Variants in DST observed in about 807,000 individuals in gnomAD.
DST encodes dystonin.
DST carries 253 observed loss-of-function variants against 875.2 expected under a neutral mutation model. The observed-to-expected ratio is 0.29, with a 90% confidence interval of 0.26 to 0.32. DST has a LOEUF of 0.32. Ranked by LOEUF, DST falls within the 10% of genes least tolerant of loss-of-function variation. DST has a pLI of 1.00. For synonymous variants in DST, 3,124 were observed against 3,197.1 expected (o/e 0.98, Z 0.77); for missense variants, 8,287 against 9,111.6 (o/e 0.91, Z 3.68).
In DST at chr6:56,603,273, A is replaced by G; in HGVS notation, c.11089T>C (p.Phe3697Leu). 1 of 1,609,998 alleles carries G rather than the reference A, an allele frequency of 6.2e-7. No individual in the cohort carries two copies. The highest frequency in any genetic ancestry group is 8.5e-7 in the Non-Finnish European group (1 of 1,178,418). Residue 3697 changes from phenylalanine (F) to leucine (L), a missense_variant, in exon 42 of 104, where the codon TTC becomes CTC. By Grantham distance (22) the Phe-to-Leu change is conservative. This residue lies in a region of DST where 3,138 missense variants were observed against 3,116.6 expected (regional missense o/e 1.01). Transcript: ENST00000680361. ...GAAGACACGTTGCTGAGGGAAGAGAAGGCGGTCTTCAAACTCTGGTGGCTA... is the reference window on the plus strand; with the variant it reads ...GAAGACACGTTGCTGAGGGAAGAGAGGGCGGTCTTCAAACTCTGGTGGCTA... ...SISHQSLKTA[F>L]SSLSNVSSER...
At chr6:56,928,256 C>A (rs1386007776) in intron 2 of DST, among the ~76,000 whole-genome samples, 1 of 152,158 alleles carries the variant, frequency 6.6e-6, no homozygotes, top group Non-Finnish European at 1.5e-5. Flanking sequence ...CTCCCCACTT[C>A]CCCTTTCCAA....
chr6:56,508,591 G>A lies in DST; in HGVS notation c.19177C>T (p.Arg6393Trp), dbSNP rs767994407. ...TCAATTCCAGGATCTTCCAGGTCCC[G>A]GATGAAATCTTGAGTATCTTTAATG... is the stretch of plus-strand genomic sequence containing the variant. Reference protein sequence around the residue: ...VTIKDTQDFIRDLEDPGIDPS... With the variant: ...VTIKDTQDFIWDLEDPGIDPS... Residue 6393 changes from arginine (R) to tryptophan (W), a missense_variant, in exon 75 of 104, where the codon CGG becomes TGG. By Grantham distance (101) the Arg-to-Trp change is moderately radical (BLOSUM62 -3). This residue lies in a region of DST where 1,292 missense variants were observed against 1,552.7 expected (regional missense o/e 0.83). Coordinates refer to ENST00000680361, the MANE Select transcript of DST (RefSeq NM_001374736.1). 1.5e-5 allele frequency: 24 copies of A among 1,613,784 alleles called. No homozygotes were observed. Among genetic ancestry groups the A allele is most frequent in the South Asian group, 6.6e-5 (6 of 91,078 alleles).
intron 2 of DST, among the ~76,000 whole-genome samples, chr6:56,952,663 C>T (rs923666461): frequency 7.2e-5 from 11 of 152,026 alleles, no homozygotes; most frequent in African/African-American, 2.7e-4. Context: ...TTTTTCTTTA[C>T]ACAATTTCTT....
Position 56,527,675 on chromosome 6 carries a change from T to C in DST, c.17740A>G (p.Ile5914Val), listed in dbSNP as rs1160682668. The C allele has an allele frequency of 2.5e-6, 4 of 1,613,700 alleles. No individual in the cohort carries two copies. The highest frequency in any genetic ancestry group is 3.3e-5 in the Admixed American group (2 of 59,908). Residue 5914 changes from isoleucine (I) to valine (V), a missense_variant, in exon 68 of 104, where the codon ATT (isoleucine) becomes GTT (valine). Physicochemically the swap from Ile to Val is conservative, Grantham distance 29 (BLOSUM62 3). Coordinates refer to ENST00000680361, the MANE Select transcript of DST (RefSeq NM_001374736.1). ...LEAIKARYKD[I>V]TKLSTDVAKT... ...GCCACATCAGTGCTCAGTTTAGTAA[T>C]GTCTTTGTACCTTGCTTTAATGGCT...
chr6:56,954,535 G>A lies in DST; in HGVS notation c.53C>T (p.Ala18Val). ...VLLRPYSIQC[A>V]LFLLLLLLGT... ...CAGCAGAAGCAACAAGAGGAAGAGG[G>A]CACATTGGATGCTGTAGGGTCTCAG... Residue 18 changes from alanine (A) to valine (V), a missense_variant, in exon 1 of 104, where the codon GCC becomes GTC. By Grantham distance (64) the Ala-to-Val change is moderately conservative. Around this residue, in one of 10 missense-constraint regions of DST, gnomAD observed 1,160 missense variants for 1,424.3 expected, o/e 0.81. Coordinates refer to ENST00000680361, the MANE Select transcript of DST (RefSeq NM_001374736.1). The A allele has an allele frequency of 7.3e-7, 1 of 1,367,390 alleles. No individual in the cohort carries two copies. Among genetic ancestry groups the A allele is most frequent in the Non-Finnish European group, 9.8e-7 (1 of 1,021,796 alleles). 84.7% of individuals were successfully genotyped at this position (1,367,390 alleles called of 1,614,324 possible). A position where few individuals can be genotyped will look rare whatever the true frequency, so the allele number is the denominator to read the frequency against.
chr6:56,589,137 C>T (rs75192962), intron 49 of DST, among the ~76,000 whole-genome samples: 4,866 of 152,260 alleles, frequency 0.032, 243 homozygotes, highest in African/African-American at 0.11. Flanking sequence ...AGCATACAAA[C>T]ATTTACTGAA....
At chr6:56,541,609 CACAGATAAG>C (rs1471489896) in intron 61 of DST, 30 of 152,308 alleles carry the variant, frequency 2.0e-4, no homozygotes, top group African/African-American at 6.5e-4. Context: ...CAGCTCTTGA[CACAGATAAG>C]AAATAAGATA....
chr6:56,618,431 T>A, intron 36 of DST: 1 of 1,614,224 alleles, frequency 6.2e-7, no homozygotes, highest in Non-Finnish European at 8.5e-7. Flanking sequence ...GCTCTTTTTT[T>A]GAATTTCACA....
chr6:56,605,636 T>C lies in DST; in HGVS notation c.8992A>G (p.Ile2998Val), dbSNP rs1345452325. ...PKVDSSLDHI[I>V]CTEPDLIGKP... ...CCTATTAAATCAGGCTCAGTACAAA[T>C]GATGTGATCAAGAGATGAGTCAACT... Residue 2998 changes from isoleucine to valine, a missense_variant, in exon 40 of 104, where the codon ATT becomes GTT. Ile to Val is a conservative substitution (Grantham distance 29). Transcript: ENST00000680361. 8 of 1,612,904 alleles carry C rather than the reference T, an allele frequency of 5.0e-6. No individual in the cohort carries two copies. Among genetic ancestry groups the C allele is most frequent in the Non-Finnish European group, 6.8e-6 (8 of 1,179,330 alleles).
chr6:56,772,501 C>G (rs1366185194), intron 4 of DST, among the ~76,000 whole-genome samples: 2 of 152,168 alleles, frequency 1.3e-5, no homozygotes, highest in Non-Finnish European at 2.9e-5. Context: ...CCGATCAAGT[C>G]ATTATCTTTC....
rs768508685 is a variant in DST, at chr6:56,560,313, T to C, written c.14421A>G (p.Lys4807=). The part of the protein sequence containing the change: ...NPDTPEAPRW[K]QMLTEIDSKW... ...ACATACCTATTTCTGTCAACATCTG[T>C]TTCCATCTGGGGGCCTCAGGAGTAT... The change falls in exon 58 of 104, where the codon AAA becomes AAG. Residue 4807 remains lysine, a synonymous_variant. Coordinates refer to ENST00000680361, the MANE Select transcript of DST (RefSeq NM_001374736.1). 1.2e-6 allele frequency: 2 copies of C among 1,611,020 alleles called. No homozygotes were observed. The highest frequency in any genetic ancestry group is 1.7e-5 in the Admixed American group (1 of 59,610).
intron 7 of DST, 89 bp from the exon 8 acceptor site, chr6:56,702,054 A>T: frequency 1.3e-6 from 1 of 780,702 alleles, no homozygotes; most frequent in Non-Finnish European, 2.1e-6. Context: ...ATCTTAATAT[A>T]TCAAAACAGT....
chr6:56,923,718 G>A (rs1805470594), intron 2 of DST, among the ~76,000 whole-genome samples: 1 of 152,150 alleles, frequency 6.6e-6, no homozygotes, highest in Non-Finnish European at 1.5e-5. Flanking sequence ...CTCAGGGGAA[G>A]GTCAGTCTTT....
In DST at chr6:56,553,675, A is replaced by G. The variant is rs541529488; in HGVS notation, c.15137-20T>C. 7 of 1,596,426 alleles carry G rather than the reference A, an allele frequency of 4.4e-6. No homozygotes were observed. Among genetic ancestry groups the G allele is most frequent in the African/African-American group, 1.3e-5 (1 of 74,448 alleles). ...GATTCTCTAGAAATAAAATTACAAG[A>G]TATGTTTATTTTACATCAAAATGTT... On this transcript the variant is annotated intron_variant, in intron 60 of 103. Coordinates refer to ENST00000680361, the MANE Select transcript of DST (RefSeq NM_001374736.1).
At chr6:56,493,925 T>C (rs2095833419) in intron 83 of DST, 85 bp downstream of exon 83, 1 of 1,107,448 alleles carries the variant, frequency 9.0e-7, no homozygotes, top group African/African-American at 1.6e-5. Flanking sequence ...GTTCTACTCC[T>C]GATAGCTCTA....
Position 56,506,330 on chromosome 6 carries a change from G to A in DST, c.19464+113C>T, listed in dbSNP as rs2096310876. The A allele has an allele frequency of 5.5e-6, 4 of 729,924 alleles. No homozygotes were observed. The African/African-American group carries it at 7.1e-5, about 13-fold the overall frequency. The allele number at this position is 729,924 out of a possible 1,614,324, so 45.2% of individuals were successfully genotyped here. A position where few individuals can be genotyped will look rare whatever the true frequency, so the allele number is the denominator to read the frequency against. On this transcript the variant is annotated intron_variant, in intron 77 of 103. Coordinates refer to ENST00000680361, the MANE Select transcript of DST (RefSeq NM_001374736.1). ...ACACAGGCAACTGCAGGAATAATTTGCCCACAATTGCATATGCACTGGCAG... is the reference window on the plus strand; with the variant it reads ...ACACAGGCAACTGCAGGAATAATTTACCCACAATTGCATATGCACTGGCAG...
chr6:56,892,322 C>CT (rs1167025436), intron 3 of DST, among the ~76,000 whole-genome samples: 5,203 of 133,926 alleles, frequency 0.039, 382 homozygotes, highest in African/African-American at 0.12. Context: ...ATTCCTATCC[C>CT]TTTTTTTTTT....
chr6:56,504,979 C>T (rs974065163), intron 77 of DST, among the ~76,000 whole-genome samples: 1 of 152,162 alleles, frequency 6.6e-6, no homozygotes, highest in Non-Finnish European at 1.5e-5. Flanking sequence ...CCCACCTCAG[C>T]CTCCCAAAGC....
At chr6:56,878,486 G>A (rs147769402) in intron 3 of DST, among the ~76,000 whole-genome samples, 2 of 152,292 alleles carry the variant, frequency 1.3e-5, no homozygotes, top group African/African-American at 2.4e-5. Flanking sequence ...GCTAGTTTAA[G>A]CTCCTATTCA....
Sources: allele counts gnomAD v4.1 joint callset (sites outside exome capture counted in the v4.1 genomes callset), GRCh38; gene constraint gnomAD v4.1.1; regional missense constraint gnomAD v4.1.1; transcripts MANE v1.5; gene names NCBI Gene and HGNC (gene_info 2026-07-23, HGNC 2026-07-21).